The following PRKCQ variants were observed in gnomAD, a reference collection of about 807,000 sequenced individuals.
The protein encoded by PRKCQ is protein kinase C theta type.
In PRKCQ, 41 loss-of-function variants were observed where a neutral mutation model predicts 91.2. That is an observed-to-expected ratio of 0.45 (90% confidence interval 0.35 to 0.58). The LOEUF (loss-of-function observed/expected upper bound fraction) is 0.58. PRKCQ is among the 20% of genes least tolerant of loss of function. The pLI, the probability that PRKCQ is intolerant of heterozygous loss-of-function variation, is 0.00. For missense variants in PRKCQ, 673 were observed against 896.5 expected (o/e 0.75, Z 3.18); for synonymous variants, 307 against 316.9 (o/e 0.97, Z 0.33).
At chr10:6,467,489 CACTT>C (rs1835753810) in intron 12 of PRKCQ, among the ~76,000 whole-genome samples, 1 of 151,170 alleles carries the variant, frequency 6.6e-6, no homozygotes, top group Admixed American at 6.6e-5. Flanking sequence ...TTGTAAATGT[CACTT>C]ACTAGTCTAG....
At chr10:6,463,751 A>AGTGG (rs1172497423) in intron 13 of PRKCQ, among the ~76,000 whole-genome samples, 7 of 152,308 alleles carry the variant, frequency 4.6e-5, no homozygotes, top group African/African-American at 1.7e-4. Flanking sequence ...GGGAGCAGGA[A>AGTGG]GTGGGACCCA....
chr10:6,524,627 C>T (rs1397836137), intron 1 of PRKCQ, among the ~76,000 whole-genome samples: 1 of 152,216 alleles, frequency 6.6e-6, no homozygotes, highest in Non-Finnish European at 1.5e-5. Context: ...TCCCCTCTTA[C>T]AGGACAGAGC....
the PRKCQ span, among the ~76,000 whole-genome samples, chr10:6,415,256 C>T: frequency 6.6e-6 from 1 of 151,706 alleles, no homozygotes; most frequent in Non-Finnish European, 1.5e-5. Context: ...AGCCACTGCG[C>T]CTGGCCTGAT....
At chr10:6,449,935 A>G (rs1471367604) in intron 15 of PRKCQ, among the ~76,000 whole-genome samples, 2 of 152,232 alleles carry the variant, frequency 1.3e-5, no homozygotes, top group Non-Finnish European at 2.9e-5. Context: ...TGAAGGAAGC[A>G]CTAAACATGG....
chr10:6,431,431 CATG>C (rs1423625581), intron 16 of PRKCQ, among the ~76,000 whole-genome samples: 1 of 152,180 alleles, frequency 6.6e-6, no homozygotes, highest in Non-Finnish European at 1.5e-5. Context: ...CATACATACA[CATG>C]AACACATGCA....
intron 12 of PRKCQ, among the ~76,000 whole-genome samples, chr10:6,477,826 C>T (rs925882408): frequency 3.3e-5 from 5 of 152,328 alleles, no homozygotes; most frequent in African/African-American, 9.6e-5. Flanking sequence ...TGAGATCACA[C>T]CATTGCACTC....
At chr10:6,482,218 GGA>G in intron 11 of PRKCQ, among the ~76,000 whole-genome samples, 1 of 152,232 alleles carries the variant, frequency 6.6e-6, no homozygotes, top group East Asian at 1.9e-4. Context: ...GACTGTATTT[GGA>G]GACAGGACCT....
At chr10:6,580,044 T>G (rs965534277) in intron 1 of PRKCQ, among the ~76,000 whole-genome samples, 167 bp downstream of exon 1, 1 of 152,082 alleles carries the variant, frequency 6.6e-6, no homozygotes, top group Admixed American at 6.5e-5. Flanking sequence ...TTCTTCCCGG[T>G]GCGCTCTTGC....
At chr10:6,473,094 A>C (rs543627557) in intron 12 of PRKCQ, among the ~76,000 whole-genome samples, 1 of 152,346 alleles carries the variant, frequency 6.6e-6, no homozygotes, top group East Asian at 1.9e-4. Flanking sequence ...ACCAGATGAC[A>C]GAAAACCCAT....
chr10:6,453,741 T>TA (rs57915999), intron 15 of PRKCQ, among the ~76,000 whole-genome samples: 1 of 150,754 alleles, frequency 6.6e-6, no homozygotes, highest in Non-Finnish European at 1.5e-5. Flanking sequence ...TATGCAGCCA[T>TA]AAAAAAATGA....
intron 16 of PRKCQ, among the ~76,000 whole-genome samples, chr10:6,437,854 C>T (rs532936655): frequency 3.9e-5 from 6 of 152,020 alleles, no homozygotes; most frequent in African/African-American, 7.2e-5. Flanking sequence ...GGGGTTTCAC[C>T]GTGTAAGCCA....
At chr10:6,402,905 G>A in the PRKCQ span, among the ~76,000 whole-genome samples, 1 of 152,172 alleles carries the variant, frequency 6.6e-6, no homozygotes, top group Non-Finnish European at 1.5e-5. Context: ...ATGAGACTCT[G>A]TCTCAAAACC....
chr10:6,485,592 C>T (rs1019834595), intron 9 of PRKCQ, among the ~76,000 whole-genome samples: 3 of 152,122 alleles, frequency 2.0e-5, no homozygotes, highest in African/African-American at 7.2e-5. Flanking sequence ...AATGCCAAGT[C>T]TTAAAGAGGG....
intron 15 of PRKCQ, among the ~76,000 whole-genome samples, chr10:6,452,321 G>A (rs969001140): frequency 4.6e-5 from 7 of 152,068 alleles, no homozygotes; most frequent in African/African-American, 9.7e-5. Context: ...TCCCATTCAC[G>A]ATTGCTTCAA....
At chr10:6,519,615 G>A (rs1478350314) in intron 1 of PRKCQ, among the ~76,000 whole-genome samples, 1 of 152,122 alleles carries the variant, frequency 6.6e-6, no homozygotes, top group Non-Finnish European at 1.5e-5. Context: ...ATAAGCAAAT[G>A]CAGACCCCAA....
intron 7 of PRKCQ, among the ~76,000 whole-genome samples, chr10:6,495,897 C>A (rs770378914): frequency 2.6e-5 from 4 of 152,106 alleles, no homozygotes; most frequent in Admixed American, 6.5e-5. Flanking sequence ...GACTTCCCCA[C>A]CAGGTAATAT....
intron 1 of PRKCQ, among the ~76,000 whole-genome samples, chr10:6,544,959 C>T (rs1318289450): frequency 6.7e-6 from 1 of 148,938 alleles, no homozygotes; most frequent in East Asian, 2.0e-4. Context: ...TCCTGAGTGA[C>T]AAAGTCTGCT....
At chr10:6,478,894 G>A in intron 12 of PRKCQ, 98 bp downstream of exon 12, 2 of 1,335,264 alleles carry the variant, frequency 1.5e-6, no homozygotes, top group Non-Finnish European at 2.1e-6. Context: ...AGATAAATAT[G>A]GAGGCAATGA....
intron 1 of PRKCQ, among the ~76,000 whole-genome samples, chr10:6,552,689 A>G (rs996928614): frequency 2.0e-5 from 3 of 151,400 alleles, no homozygotes; most frequent in African/African-American, 7.3e-5. Flanking sequence ...CCAGTCTCAA[A>G]CTCCTGACCT....
Sources: gnomAD v4.1 joint callset for allele counts (sites outside exome capture counted in the v4.1 genomes callset) on GRCh38, gnomAD v4.1.1 for gene constraint, MANE v1.5 for transcripts, NCBI Gene and HGNC (gene_info 2026-07-23, HGNC 2026-07-21) for gene names.